ANK1: variants seen among roughly 807,000 people sequenced by gnomAD.
ANK1 encodes the protein ankyrin 1, also known as ankyrin-1.
ANK1 carries 51 observed loss-of-function variants against 210.4 expected under a neutral mutation model. That is an observed-to-expected ratio of 0.24 (90% CI 0.19 to 0.31). ANK1 has a LOEUF of 0.31. Ranked by LOEUF, ANK1 falls within the 10% of genes least tolerant of loss-of-function variation. ANK1 has a pLI of 1.00. For missense variants in ANK1, 2,051 were observed against 2,504.4 expected (o/e 0.82, Z 3.86); for synonymous variants, 967 against 1,025.9 (o/e 0.94, Z 1.10).
intron 1 of ANK1, among the ~76,000 whole-genome samples, chr8:41,834,023 T>C (rs957270757): frequency 2.0e-5 from 3 of 151,990 alleles, no homozygotes; most frequent in African/African-American, 4.8e-5. Context: ...ATGGGGAACA[T>C]GGTGTGGCTT....
intron 1 of ANK1, among the ~76,000 whole-genome samples, chr8:41,774,138 C>T (rs1843526750): frequency 6.6e-6 from 1 of 152,000 alleles, no homozygotes; most frequent in South Asian, 2.1e-4. Context: ...AAGTAGGAGA[C>T]GAGGTCTCTT....
chr8:41,769,479 C>T (rs1359436334), intron 1 of ANK1, among the ~76,000 whole-genome samples: 1 of 152,190 alleles, frequency 6.6e-6, no homozygotes, highest in East Asian at 1.9e-4. Context: ...GATTCTAATG[C>T]ACTGTTCCAA....
chr8:41,696,499 T>C lies in ANK1; in HGVS notation c.2824A>G (p.Thr942Ala). 1 of 1,613,548 alleles carries C rather than the reference T, an allele frequency of 6.2e-7. No individual in the cohort carries two copies. The highest frequency in any genetic ancestry group is 1.1e-5 in the South Asian group (1 of 91,072). ...GTGATGCGGGTGGGCGCTGCGCACG[T>C]CCGTGGCGGGATCACCACTCGCAGG... Reference protein sequence around the residue: ...NGLRVVIPPRTCAAPTRITCR... With the variant: ...NGLRVVIPPRACAAPTRITCR... Residue 942 changes from threonine to alanine, a missense_variant, in exon 26 of 43, where the codon ACG becomes GCG. Transcript: ENST00000289734.
intron 13 of ANK1, among the ~76,000 whole-genome samples, chr8:41,716,357 C>G (rs1315355433): frequency 6.6e-6 from 1 of 152,046 alleles, no homozygotes; most frequent in South Asian, 2.1e-4. Context: ...ACCCACACCC[C>G]CCCACTTCCT....
At chr8:41,823,540 C>T (rs1390560503) in intron 1 of ANK1, among the ~76,000 whole-genome samples, 2 of 152,040 alleles carry the variant, frequency 1.3e-5, no homozygotes, top group East Asian at 3.9e-4. Flanking sequence ...AGGAGGATCC[C>T]TGAAGTCCAG....
chr8:41,660,784 T>C (rs2150539274), intron 42 of ANK1, among the ~76,000 whole-genome samples: 1 of 152,292 alleles, frequency 6.6e-6, no homozygotes, highest in Admixed American at 6.5e-5. Context: ...GGGAGCAACG[T>C]GTTTCACAAA....
chr8:41,748,841 C>T (rs1199611651), intron 2 of ANK1, among the ~76,000 whole-genome samples: 2 of 152,106 alleles, frequency 1.3e-5, no homozygotes, highest in Non-Finnish European at 2.9e-5. Context: ...CAAGACCATC[C>T]CAGCTAACAC....
intron 39 of ANK1, chr8:41,664,665 A>G (rs2150550205): frequency 1.2e-6 from 1 of 828,786 alleles, no homozygotes; most frequent in African/African-American, 1.7e-5. Flanking sequence ...AGGGTGGAAC[A>G]TGATCCCTGG....
At chr8:41,804,951 C>T (rs922087086) in intron 1 of ANK1, among the ~76,000 whole-genome samples, 1 of 152,118 alleles carries the variant, frequency 6.6e-6, no homozygotes, top group East Asian at 1.9e-4. Context: ...AACTCCCACT[C>T]ATTCCGGTAA....
chr8:41,700,593 A>G, intron 22 of ANK1: 1 of 890,570 alleles, frequency 1.1e-6, no homozygotes, highest in Non-Finnish European at 1.8e-6. Context: ...AATTATCCAG[A>G]TGGAAGGGAC....
intron 2 of ANK1, 73 bp from the exon 3 acceptor site, chr8:41,734,142 A>G (rs1832860320): frequency 1.5e-6 from 2 of 1,302,966 alleles, no homozygotes; most frequent in Non-Finnish European, 2.2e-6. Flanking sequence ...GTGGGGGCCC[A>G]GGCCCCTTCC....
At chr8:41,733,540 T>C (rs28571142) in intron 3 of ANK1, among the ~76,000 whole-genome samples, 9,505 of 152,248 alleles carry the variant, frequency 0.062, 899 homozygotes, top group African/African-American at 0.2. Context: ...ATACCAACCC[T>C]GCAACTAAGT....
At chr8:41,698,756 C>T (rs1372328046) in intron 23 of ANK1, among the ~76,000 whole-genome samples, 1 of 152,026 alleles carries the variant, frequency 6.6e-6, no homozygotes, top group East Asian at 1.9e-4. Flanking sequence ...GTCAAGAGTT[C>T]GAGCTTAGCC....
Position 41,704,451 on chromosome 8 carries a change from C to T in ANK1, c.2119G>A (p.Val707Met). The stretch of plus-strand genomic sequence containing the variant: ...TTGATGTTTCCATAGTGACTGGCCA[C>T]ATGGAGGGGAGTGTAGCCCATCTGA... ...TTRMGYTPLH[V>M]ASHYGNIKLV... Residue 707 changes from valine (V) to methionine (M), a missense_variant, in exon 19 of 43, where the codon GTG (valine) becomes ATG (methionine). This residue lies in a region of ANK1 where 1,413 missense variants were observed against 1,707.4 expected (regional missense o/e 0.83). Transcript: ENST00000289734. This position sits in a 1 kb window ranked among gnomAD's most constrained non-coding sequence, Gnocchi z 4.1. The T allele has an allele frequency of 6.2e-7, 1 of 1,614,154 alleles. No homozygotes were observed. Among genetic ancestry groups the T allele is most frequent in the African/African-American group, 1.3e-5 (1 of 75,050 alleles).
At chr8:41,862,418 T>C (rs561920654) in intron 1 of ANK1, among the ~76,000 whole-genome samples, 173 of 152,218 alleles carry the variant, frequency 1.1e-3, no homozygotes, top group African/African-American at 3.9e-3. Flanking sequence ...GGAAACCACA[T>C]GCTCCCAGCC....
chr8:41,892,380 C>G (rs909375905), intron 1 of ANK1, among the ~76,000 whole-genome samples: 2 of 152,180 alleles, frequency 1.3e-5, no homozygotes, highest in Non-Finnish European at 2.9e-5. Flanking sequence ...GAAAGACTGA[C>G]GGAGCTGCCT....
intron 16 of ANK1, among the ~76,000 whole-genome samples, chr8:41,711,182 G>A (rs1203451439): frequency 6.6e-6 from 1 of 152,146 alleles, no homozygotes; most frequent in Non-Finnish European, 1.5e-5. Context: ...TGAGATGCAG[G>A]GTCGGCTCAA....
chr8:41,838,767 A>AAAAAAAAAT (rs374459221), intron 1 of ANK1, among the ~76,000 whole-genome samples: 2 of 140,546 alleles, frequency 1.4e-5, no homozygotes, highest in Middle Eastern at 3.7e-3. Context: ...TCCGTCTCAA[A>AAAAAAAAAT]AATAATAATA....
rs777530191 is a variant in ANK1, at chr8:41,693,098, G to A, written c.3629+7C>T. On this transcript the variant is annotated splice_region_variant and intron_variant, in intron 30 of 42. Coordinates refer to ENST00000289734, the MANE Select transcript of ANK1 (RefSeq NM_000037.4). ...CACAATACTGGGCTGGGCTGGCCTC[G>A]TCTCACCTGGCAGAGACATTGGTGG... 7.5e-6 allele frequency: 12 copies of A among 1,604,862 alleles called. No homozygotes were observed. Among genetic ancestry groups the A allele is most frequent in the East Asian group, 4.5e-5 (2 of 44,824 alleles).
Sources: gnomAD v4.1 joint callset for allele counts (sites outside exome capture counted in the v4.1 genomes callset) on GRCh38, gnomAD v4.1.1 for gene constraint, gnomAD v4.1.1 regional missense constraint, Gnocchi (gnomAD v3.1) non-coding constraint, MANE v1.5 for transcripts, NCBI Gene and HGNC (gene_info 2026-07-23, HGNC 2026-07-21) for gene names.